BICC1: variants seen among roughly 807,000 people sequenced by gnomAD.
BICC1 encodes protein bicaudal C homolog 1.
In BICC1, 43 loss-of-function variants were observed where a neutral mutation model predicts 111.0. That is an observed-to-expected ratio of 0.39 (90% CI 0.30 to 0.50). The LOEUF (loss-of-function observed/expected upper bound fraction) is 0.50, where lower values mean the gene tolerates loss of function less well. Ranked by LOEUF, BICC1 falls within the 20% of genes least tolerant of loss-of-function variation. BICC1 has a pLI of 0.88. For synonymous variants in BICC1, 467 were observed against 434.4 expected, an observed-to-expected ratio of 1.07 and a Z score of -0.93; for missense variants, 1,091 against 1,203.2, an observed-to-expected ratio of 0.91 and a Z score of 1.38.
At chr10:58,746,001 G>C (rs1188808945) in intron 3 of BICC1, among the ~76,000 whole-genome samples, 2 of 152,056 alleles carry the variant, frequency 1.3e-5, no homozygotes, top group Non-Finnish European at 2.9e-5. Context: ...AGGCAGATGA[G>C]AGAGGTTGAA....
At chr10:58,723,659 A>G (rs1841008854) in intron 3 of BICC1, among the ~76,000 whole-genome samples, 1 of 152,192 alleles carries the variant, frequency 6.6e-6, no homozygotes, top group South Asian at 2.1e-4. Flanking sequence ...GGAAGGCTAG[A>G]GAGGGCAGGG....
At chr10:58,513,817 C>T (rs1842167194) in intron 1 of BICC1, among the ~76,000 whole-genome samples, 1 of 152,204 alleles carries the variant, frequency 6.6e-6, no homozygotes, top group South Asian at 2.1e-4. Context: ...GGGAAACGCT[C>T]TGCAGATGTC....
At chr10:58,649,968 C>T (rs928239899) in intron 2 of BICC1, 1 of 152,098 alleles carries the variant, frequency 6.6e-6, no homozygotes, top group Non-Finnish European at 1.5e-5. Context: ...TTGAATATAA[C>T]CGTAAGAAAT....
At chr10:58,644,490 C>T (rs1164057942) in intron 2 of BICC1, among the ~76,000 whole-genome samples, 2 of 152,100 alleles carry the variant, frequency 1.3e-5, no homozygotes, top group Admixed American at 6.5e-5. Flanking sequence ...GAACTCCACC[C>T]GTCCCCGTGC....
chr10:58,791,557 G>A (rs957689589), intron 8 of BICC1, among the ~76,000 whole-genome samples: 21 of 152,078 alleles, frequency 1.4e-4, no homozygotes, highest in Admixed American at 1.2e-3. Flanking sequence ...CCAATATGGT[G>A]AAACCCCATC....
chr10:58,775,403 A>AC (rs2132740047), intron 3 of BICC1, among the ~76,000 whole-genome samples: 2 of 152,106 alleles, frequency 1.3e-5, no homozygotes, highest in East Asian at 3.9e-4. Context: ...AAAACAAAAA[A>AC]AAACAAACAA....
intron 3 of BICC1, among the ~76,000 whole-genome samples, chr10:58,742,962 A>G (rs1841716869): frequency 6.6e-6 from 1 of 152,198 alleles, no homozygotes; most frequent in Admixed American, 6.5e-5. Flanking sequence ...TGATGCAGAC[A>G]CCTGAATACT....
chr10:58,513,081 G>A lies in BICC1; in HGVS notation c.-63G>A. The A allele has an allele frequency of 1.6e-6, 2 of 1,245,196 alleles. No homozygotes were observed. Among genetic ancestry groups the A allele is most frequent in the Non-Finnish European group, 2.0e-6 (2 of 982,812 alleles). The allele number at this position is 1,245,196 out of a possible 1,614,324, so 77.1% of individuals were successfully genotyped here. On this transcript the variant is annotated 5_prime_UTR_variant, in exon 1 of 21. Coordinates refer to ENST00000373886, the MANE Select transcript of BICC1 (RefSeq NM_001080512.3). The stretch of plus-strand genomic sequence containing the variant: ...GGAGCCAGTTGAGCCCGGCCGGCGA[G>A]CGGAGGCGGCAGCGCAGGCAGAGCG...
At chr10:58,685,502 A>T (rs952152569) in intron 2 of BICC1, among the ~76,000 whole-genome samples, 2 of 152,142 alleles carry the variant, frequency 1.3e-5, no homozygotes, top group Non-Finnish European at 1.5e-5. Context: ...GTGGGAGTCT[A>T]AGTCTCTTTG....
At chr10:58,687,404 C>T (rs1170325274) in intron 2 of BICC1, among the ~76,000 whole-genome samples, 2 of 152,228 alleles carry the variant, frequency 1.3e-5, no homozygotes, top group Non-Finnish European at 2.9e-5. Flanking sequence ...AGCTGTCAGA[C>T]AGGGACGTTT....
intron 20 of BICC1, among the ~76,000 whole-genome samples, chr10:58,828,170 G>GC (rs1241300981): frequency 2.6e-4 from 39 of 152,162 alleles, no homozygotes; most frequent in Non-Finnish European, 2.1e-4. Context: ...CTACATGGGA[G>GC]CAGGAGGGGT....
At chr10:58,712,636 A>G (rs892262766) in intron 3 of BICC1, among the ~76,000 whole-genome samples, 1 of 152,248 alleles carries the variant, frequency 6.6e-6, no homozygotes, top group Non-Finnish European at 1.5e-5. Flanking sequence ...TTTCAACTCT[A>G]TGTCATTGTA....
At chr10:58,532,217 A>G (rs1842699733) in intron 1 of BICC1, among the ~76,000 whole-genome samples, 1 of 151,740 alleles carries the variant, frequency 6.6e-6, no homozygotes, top group Non-Finnish European at 1.5e-5. Flanking sequence ...AATATCACAC[A>G]TTTCTCAGTG....
In BICC1 at chr10:58,524,311, TACAGTAACCAAA is replaced by T. The variant is rs551325387; in HGVS notation, c.190+10983_190+10994del. 6.9e-3 allele frequency among the ~76,000 whole-genome samples: 1,050 copies of T among 152,250 alleles called. 4 individuals are homozygous for T. The highest frequency in any genetic ancestry group is 0.011 in the Non-Finnish European group (749 of 68,020). On this transcript the variant is annotated intron_variant, in intron 1 of 20. Coordinates refer to ENST00000373886, the MANE Select transcript of BICC1 (RefSeq NM_001080512.3). ...CTGACTTCAAACTATACTACAAGGC[TACAGTAACCAAA>T]ACAGCATGGTACTGATACCAAAACA...
intron 3 of BICC1, among the ~76,000 whole-genome samples, chr10:58,704,893 G>T (rs1462235588): frequency 4.6e-5 from 7 of 152,172 alleles, no homozygotes; most frequent in Non-Finnish European, 1.0e-4. Flanking sequence ...CGTGGTCGCT[G>T]TTACCACAGT....
At chr10:58,800,456 G>A (rs943659485) in intron 13 of BICC1, 130 bp downstream of exon 13, 16 of 825,120 alleles carry the variant, frequency 1.9e-5, no homozygotes, top group Middle Eastern at 2.8e-4. Flanking sequence ...TCAATTATGT[G>A]GAAAGACAAC....
chr10:58,721,368 A>T (rs1840933992), intron 3 of BICC1, among the ~76,000 whole-genome samples: 1 of 152,204 alleles, frequency 6.6e-6, no homozygotes, highest in African/African-American at 2.4e-5. Context: ...GGGAACCCAA[A>T]CTAAGATGGG....
chr10:58,785,123 C>T, intron 4 of BICC1, 43 bp downstream of exon 4: 1 of 1,123,732 alleles, frequency 8.9e-7, no homozygotes, highest in South Asian at 1.6e-5. Context: ...AACCTTGTCT[C>T]TACAAGGGCT....
rs1293021963 is a variant in BICC1, at chr10:58,803,094, T to C, written c.2033T>C (p.Leu678Pro). ...TTTCACAGCAGCACTGACAGGTTGCTCTCAGACCCTGAACTGAGTGCTACC... is the reference window on the plus strand; with the variant it reads ...TTTCACAGCAGCACTGACAGGTTGCCCTCAGACCCTGAACTGAGTGCTACC... The part of the protein sequence containing the change: ...NSHLHSTDRL[L>P]SDPELSATES... The change falls in exon 15 of 21, where the codon CTC becomes CCC. Residue 678 changes from leucine to proline, a missense_variant. This residue lies in a region of BICC1 where 843 missense variants were observed against 900.8 expected (regional missense o/e 0.94). Transcript: ENST00000373886. 1.9e-6 allele frequency: 3 copies of C among 1,603,068 alleles called. No individual in the cohort carries two copies. In the South Asian group the frequency reaches 3.4e-5, roughly 18 times the overall value.
Sources: gnomAD v4.1 joint callset for allele counts (sites outside exome capture counted in the v4.1 genomes callset) on GRCh38, gnomAD v4.1.1 for gene constraint, gnomAD v4.1.1 regional missense constraint, MANE v1.5 for transcripts, NCBI Gene and HGNC (gene_info 2026-07-23, HGNC 2026-07-21) for gene names.